The following FNDC3A variants were observed in gnomAD, a reference collection of about 807,000 sequenced individuals.
The protein encoded by FNDC3A is fibronectin type III domain containing 3A.
In FNDC3A, 32 loss-of-function variants were observed where a neutral mutation model predicts 148.9. The ratio of observed to expected loss-of-function variants is 0.21; its 90% CI spans 0.16 to 0.29. The LOEUF (loss-of-function observed/expected upper bound fraction) is 0.29, where lower values mean the gene tolerates loss of function less well. FNDC3A is among the 10% of genes least tolerant of loss of function. FNDC3A has a pLI of 1.00. For missense variants in FNDC3A, 1,191 were observed against 1,452.8 expected (o/e 0.82, Z 2.93); for synonymous variants, 472 against 473.6 (o/e 1.00, Z 0.04).
intron 2 of FNDC3A, among the ~76,000 whole-genome samples, chr13:49,021,682 T>C (rs544277773): frequency 6.6e-6 from 1 of 152,316 alleles, no homozygotes; most frequent in Non-Finnish European, 1.5e-5. Flanking sequence ...AGCCTTTGGT[T>C]AATTTCTAGA....
chr13:48,978,421 G>A (rs527323359), intron 1 of FNDC3A, among the ~76,000 whole-genome samples: 28 of 152,038 alleles, frequency 1.8e-4, no homozygotes, highest in African/African-American at 6.5e-4. Flanking sequence ...TAAAACATTT[G>A]CATTTTTTAA....
chr13:49,103,849 T>C (rs551043329), intron 3 of FNDC3A, among the ~76,000 whole-genome samples: 5 of 152,288 alleles, frequency 3.3e-5, no homozygotes, highest in African/African-American at 1.2e-4. Context: ...TTGAGTTTTA[T>C]GTAAATTAAG....
At chr13:49,074,061 A>T (rs192125762) in intron 2 of FNDC3A, among the ~76,000 whole-genome samples, 2 of 152,052 alleles carry the variant, frequency 1.3e-5, no homozygotes, top group South Asian at 4.1e-4. Flanking sequence ...AGGGCATTCG[A>T]AGTAGTATTA....
intron 7 of FNDC3A, among the ~76,000 whole-genome samples, chr13:49,139,500 T>C (rs1284035536): frequency 1.3e-5 from 2 of 152,230 alleles, no homozygotes; most frequent in Admixed American, 6.5e-5. Context: ...AGAAAAGTTA[T>C]TATTCTTAGT....
chr13:49,042,614 T>C (rs933287402), intron 2 of FNDC3A, among the ~76,000 whole-genome samples: 1 of 151,676 alleles, frequency 6.6e-6, no homozygotes, highest in Non-Finnish European at 1.5e-5. Context: ...TGTCAAAAAA[T>C]AGAAAAAAAT....
chr13:49,112,497 TA>T (rs1271830279), intron 3 of FNDC3A, among the ~76,000 whole-genome samples: 1 of 152,204 alleles, frequency 6.6e-6, no homozygotes, highest in African/African-American at 2.4e-5. Context: ...TGCTTAAACT[TA>T]AGAAAATTTT....
At chr13:49,145,615 C>A (rs143268198) in intron 7 of FNDC3A, among the ~76,000 whole-genome samples, 163 bp from the exon 8 acceptor site, 149 of 152,208 alleles carry the variant, frequency 9.8e-4, no homozygotes, top group African/African-American at 3.3e-3. Context: ...TGTTGTGGAA[C>A]CCACAACAAA....
intron 2 of FNDC3A, among the ~76,000 whole-genome samples, chr13:49,070,142 A>AT: frequency 6.6e-6 from 1 of 152,040 alleles, no homozygotes; most frequent in South Asian, 2.1e-4. Flanking sequence ...TTATTTATTT[A>AT]TTTTTTTGAG....
intron 3 of FNDC3A, among the ~76,000 whole-genome samples, chr13:49,112,124 CTGATGACT>C (rs1297606183): frequency 6.6e-6 from 1 of 152,112 alleles, no homozygotes; most frequent in Non-Finnish European, 1.5e-5. Flanking sequence ...AAAACCTATT[CTGATGACT>C]TGATGTAAGG....
At chr13:49,110,440 A>G (rs1322299790) in intron 3 of FNDC3A, 2 of 1,368,492 alleles carry the variant, frequency 1.5e-6, no homozygotes, top group Admixed American at 3.4e-5. Flanking sequence ...TTCTGCTTTT[A>G]TTTTAAGACA....
intron 24 of FNDC3A, 124 bp from the exon 25 acceptor site, chr13:49,203,033 T>C (rs1272647294): frequency 4.4e-6 from 3 of 682,520 alleles, no homozygotes; most frequent in South Asian, 4.4e-5. Flanking sequence ...AATTCACTGA[T>C]ACTTATTTCA....
At chr13:49,036,288 A>G (rs1874485746) in intron 2 of FNDC3A, among the ~76,000 whole-genome samples, 1 of 152,198 alleles carries the variant, frequency 6.6e-6, no homozygotes, top group Non-Finnish European at 1.5e-5. Context: ...CATTAACCAC[A>G]TGTGACTATT....
At chr13:49,012,805 A>ATGTG (rs61137549) in intron 2 of FNDC3A, among the ~76,000 whole-genome samples, 20,360 of 134,456 alleles carry the variant, frequency 0.15, 1,808 homozygotes, top group Non-Finnish European at 0.19. Context: ...GCAATTATAA[A>ATGTG]TGTGTGTGTG....
At chr13:49,174,117 T>G (rs150344957) in intron 11 of FNDC3A, among the ~76,000 whole-genome samples, 70 of 152,314 alleles carry the variant, frequency 4.6e-4, no homozygotes, top group African/African-American at 1.6e-3. Context: ...GTCACCCCAT[T>G]TCTACCACTG....
chr13:49,158,861 A>G (rs1167669166), intron 8 of FNDC3A, among the ~76,000 whole-genome samples: 1 of 152,190 alleles, frequency 6.6e-6, no homozygotes, highest in Non-Finnish European at 1.5e-5. Flanking sequence ...TCCCAGCACC[A>G]TTTATTAAAT....
intron 19 of FNDC3A, among the ~76,000 whole-genome samples, chr13:49,196,080 CA>C (rs71076070): frequency 8.0e-3 from 575 of 71,598 alleles, no homozygotes; most frequent in African/African-American, 0.01. Context: ...GACCTTGTCT[CA>C]AAAAAAAAAA....
rs1886794084 is a variant in FNDC3A at position 49,209,359 on chromosome 13, TGCA to T, written c.*1966_*1968del. 6.6e-6 allele frequency: 1 copy of T among 152,646 alleles called. No homozygotes were observed. The highest frequency in any genetic ancestry group is 2.1e-4 in the South Asian group (1 of 4,830). The allele number at this position is 152,646 out of a possible 1,614,324, so 9.5% of individuals were successfully genotyped here. A position where few individuals can be genotyped will look rare whatever the true frequency, so the allele number is the denominator to read the frequency against. ...CATTTGAGCCTCACTGCAAAATTAG[TGCA>T]GAGGAGAAAACAATTTTTAATGTAA... On this transcript the variant is annotated 3_prime_UTR_variant, in exon 26 of 26. Transcript: ENST00000492622.
rs759305836 is a variant in FNDC3A, at chr13:49,175,552, A to G, written c.1530+11A>G. On this transcript the variant is annotated intron_variant, in intron 13 of 25. Coordinates refer to ENST00000492622, the MANE Select transcript of FNDC3A (RefSeq NM_001079673.2). ...GAGGAAGAAACTTCAGTAAGTGCAAATATGGATTTTAAATAGTGTATTTAA... is the reference window on the plus strand; with the variant it reads ...GAGGAAGAAACTTCAGTAAGTGCAAGTATGGATTTTAAATAGTGTATTTAA... The G allele has an allele frequency of 3.2e-6, 5 of 1,577,874 alleles. No individual in the cohort carries two copies. Among genetic ancestry groups the G allele is most frequent in the Admixed American group, 1.8e-5 (1 of 56,714 alleles).
intron 12 of FNDC3A, 58 bp downstream of exon 12, chr13:49,174,617 T>A: frequency 1.4e-6 from 2 of 1,443,486 alleles, no homozygotes; most frequent in Admixed American, 3.9e-5. Context: ...TCAACGTCAA[T>A]TGTATAATTA....
Sources: allele counts gnomAD v4.1 joint callset (sites outside exome capture counted in the v4.1 genomes callset), GRCh38; gene constraint gnomAD v4.1.1; transcripts MANE v1.5; gene names NCBI Gene and HGNC (gene_info 2026-07-23, HGNC 2026-07-21).